NELL1: variants seen among roughly 807,000 people sequenced by gnomAD.
NELL1 encodes neural EGFL like 1.
Under a neutral mutation model 107.4 loss-of-function variants are expected in NELL1, and 76 were observed. That is an observed-to-expected ratio of 0.71 (90% CI 0.59 to 0.86). The LOEUF is 0.86. NELL1 is among the 40% of genes least tolerant of loss of function. The probability of loss-of-function intolerance (pLI) is 0.00; values close to 1 mark genes in which losing one functional copy is unlikely to be tolerated. For synonymous variants in NELL1, 353 were observed against 341.2 expected (o/e 1.03, Z -0.38); for missense variants, 1,024 against 1,005.5 (o/e 1.02, Z -0.25).
rs76689867 is a variant in NELL1 at position 21,314,294 on chromosome 11, G to T, written c.1550-56559G>T. Among the ~76,000 whole-genome samples, 784 of 152,192 alleles carry T rather than the reference G, an allele frequency of 5.2e-3. 7 individuals are homozygous for T. The highest frequency in any genetic ancestry group is 0.018 in the African/African-American group (748 of 41,530). ...CCAATACTGTTACATTGGGGATTAA[G>T]TTTCAAAATGAGTTTCAGAGGAGAC... On this transcript the variant is annotated intron_variant, in intron 14 of 19. Coordinates refer to ENST00000357134, the MANE Select transcript of NELL1 (RefSeq NM_006157.5).
intron 14 of NELL1, among the ~76,000 whole-genome samples, chr11:21,265,135 A>T (rs878922566): frequency 1.3e-5 from 2 of 152,016 alleles, no homozygotes; most frequent in African/African-American, 4.8e-5. Context: ...CTTTTCAAGA[A>T]AGGCTAACTT....
At chr11:20,967,223 G>A (rs1363601051) in intron 12 of NELL1, among the ~76,000 whole-genome samples, 1 of 152,076 alleles carries the variant, frequency 6.6e-6, no homozygotes, top group Non-Finnish European at 1.5e-5. Context: ...AGACTCGTGT[G>A]AATGAACTTC....
intron 2 of NELL1, among the ~76,000 whole-genome samples, chr11:20,691,039 G>A (rs1338052633): frequency 6.6e-6 from 1 of 151,864 alleles, no homozygotes; most frequent in African/African-American, 2.4e-5. Context: ...TATTCTCTTT[G>A]AAGCAATTGT....
chr11:21,150,440 C>A (rs144058307), intron 13 of NELL1, among the ~76,000 whole-genome samples: 1 of 152,150 alleles, frequency 6.6e-6, no homozygotes, highest in East Asian at 1.9e-4. Context: ...GCAGAGTGTC[C>A]CTTGGCCAAG....
At chr11:20,830,283 C>A (rs1276332964) in intron 3 of NELL1, among the ~76,000 whole-genome samples, 2 of 151,730 alleles carry the variant, frequency 1.3e-5, no homozygotes, top group Non-Finnish European at 2.9e-5. Context: ...TTTTTTCCAG[C>A]CCTCAACTGA....
At chr11:21,451,157 A>C (rs1853568993) in intron 15 of NELL1, among the ~76,000 whole-genome samples, 1 of 145,470 alleles carries the variant, frequency 6.9e-6, no homozygotes, top group Non-Finnish European at 1.5e-5. Context: ...GCTGCACTCC[A>C]GCCTGGGCGA....
chr11:20,752,542 T>G (rs886481501), intron 2 of NELL1, among the ~76,000 whole-genome samples: 13 of 152,190 alleles, frequency 8.5e-5, no homozygotes, highest in African/African-American at 2.9e-4. Context: ...AGAGTGAAAC[T>G]CCATCTCTAA....
At chr11:21,133,443 G>T (rs528384415) in intron 13 of NELL1, among the ~76,000 whole-genome samples, 1 of 152,236 alleles carries the variant, frequency 6.6e-6, no homozygotes, top group East Asian at 1.9e-4. Flanking sequence ...TCTGCCTCTT[G>T]CCACCATCAA....
Position 20,918,341 on chromosome 11 carries a change from G to A in NELL1, c.676+87G>A, listed in dbSNP as rs981663650. 4 of 795,094 alleles carry A rather than the reference G, an allele frequency of 5.0e-6. No individual in the cohort carries two copies. The African/African-American group carries it at 5.2e-5, about 10-fold the overall frequency. 49.3% of individuals were successfully genotyped at this position (795,094 alleles called of 1,614,324 possible). A position where few individuals can be genotyped will look rare whatever the true frequency, so the allele number is the denominator to read the frequency against. ...ACATCTGGAAAGATAGACCCAAATT[G>A]TTTACAGTGTTGACTTCTGAGGTGC... On this transcript the variant is annotated intron_variant, in intron 6 of 19. Coordinates refer to ENST00000357134, the MANE Select transcript of NELL1 (RefSeq NM_006157.5).
At chr11:21,568,632 T>G (rs970145871) in intron 17 of NELL1, among the ~76,000 whole-genome samples, 2 of 151,826 alleles carry the variant, frequency 1.3e-5, no homozygotes, top group African/African-American at 4.8e-5. Context: ...TCTAATTTTT[T>G]AAAACTTATT....
At chr11:20,952,379 A>G (rs1243085736) in intron 11 of NELL1, among the ~76,000 whole-genome samples, 1 of 152,194 alleles carries the variant, frequency 6.6e-6, no homozygotes. Flanking sequence ...TAAAGATTTT[A>G]TGTCCTTCAA....
chr11:21,105,925 T>TTCCC (rs1169177341), intron 12 of NELL1, among the ~76,000 whole-genome samples: 1 of 116,804 alleles, frequency 8.6e-6, no homozygotes, highest in Non-Finnish European at 1.8e-5. Context: ...CCCTCCCTCA[T>TTCCC]TCCCTCCCTC....
rs539262693 is a variant in NELL1 at position 21,337,091 on chromosome 11, T to A, written c.1550-33762T>A. Among the ~76,000 whole-genome samples the A allele has an allele frequency of 7.9e-5, 12 of 152,166 alleles. No individual in the cohort carries two copies. In the South Asian group the frequency reaches 1.5e-3, roughly 18 times the overall value. On this transcript the variant is annotated intron_variant, in intron 14 of 19. Coordinates refer to ENST00000357134, the MANE Select transcript of NELL1 (RefSeq NM_006157.5). Reference sequence around the variant, plus strand: ...CATGCAAGTAGAAATAGGCAGCTAGTTAGGCTTTTCTTAATGAAATGACAG... The same window carrying A: ...CATGCAAGTAGAAATAGGCAGCTAGATAGGCTTTTCTTAATGAAATGACAG...
intron 12 of NELL1, among the ~76,000 whole-genome samples, chr11:21,071,606 T>C (rs16907403): frequency 0.029 from 4,408 of 152,250 alleles, 194 homozygotes; most frequent in African/African-American, 0.099. Context: ...GACAAAACAG[T>C]CTCTGGCCAT....
chr11:21,411,001 C>T (rs1852363210), intron 15 of NELL1, among the ~76,000 whole-genome samples: 1 of 151,924 alleles, frequency 6.6e-6, no homozygotes, highest in South Asian at 2.1e-4. Context: ...CCTTAATATA[C>T]CAGATGTGAT....
intron 13 of NELL1, among the ~76,000 whole-genome samples, chr11:21,182,357 C>T (rs1383024671): frequency 2.0e-5 from 3 of 151,074 alleles, no homozygotes; most frequent in Non-Finnish European, 4.4e-5. Context: ...ATCACTTGAT[C>T]CTGGGAGGTG....
intron 19 of NELL1, among the ~76,000 whole-genome samples, chr11:21,574,149 A>C (rs1239026276): frequency 2.0e-5 from 3 of 151,838 alleles, no homozygotes; most frequent in Non-Finnish European, 4.4e-5. Flanking sequence ...CCCATGATTA[A>C]ACATGTTAAA....
At chr11:21,074,134 C>A (rs549001810) in intron 12 of NELL1, among the ~76,000 whole-genome samples, 2 of 152,234 alleles carry the variant, frequency 1.3e-5, no homozygotes, top group South Asian at 4.1e-4. Context: ...AAGATTCTTG[C>A]GACTCAAGAT....
intron 13 of NELL1, among the ~76,000 whole-genome samples, chr11:21,162,107 G>C (rs1856385710): frequency 1.3e-5 from 2 of 151,778 alleles, no homozygotes; most frequent in Admixed American, 1.3e-4. Flanking sequence ...TGAGCCACCA[G>C]GCCCAGCTAA....
Sources: gnomAD v4.1 joint callset for allele counts (sites outside exome capture counted in the v4.1 genomes callset) on GRCh38, gnomAD v4.1.1 for gene constraint, MANE v1.5 for transcripts, NCBI Gene and HGNC (gene_info 2026-07-23, HGNC 2026-07-21) for gene names.